The following SAMD5 variants were observed in gnomAD, a reference collection of about 807,000 sequenced individuals.
SAMD5 encodes sterile alpha motif domain-containing protein 5.
A neutral mutation model predicts 11.3 loss-of-function variants in SAMD5; 13 were observed. That is an observed-to-expected ratio of 1.15 (90% CI 0.75 to 1.83). The LOEUF (loss-of-function observed/expected upper bound fraction) is 1.83, where lower values mean the gene tolerates loss of function less well. Ranked by LOEUF, SAMD5 falls within the 40% of genes most tolerant of loss-of-function variation. The pLI, the probability that SAMD5 is intolerant of heterozygous loss-of-function variation, is 0.00. For missense variants in SAMD5, 255 were observed against 239.1 expected, an observed-to-expected ratio of 1.07 and a Z score of -0.44; for synonymous variants, 129 against 111.3, an observed-to-expected ratio of 1.16 and a Z score of -1.00.
At chr6:147,651,414 T>C (rs1790481638) in intron 1 of SAMD5, among the ~76,000 whole-genome samples, 1 of 152,202 alleles carries the variant, frequency 6.6e-6, no homozygotes, top group Non-Finnish European at 1.5e-5. Flanking sequence ...TGAATGTTTG[T>C]GTCCCTTCCA....
the SAMD5 span, among the ~76,000 whole-genome samples, chr6:147,787,745 G>C: frequency 6.6e-6 from 1 of 152,160 alleles, no homozygotes; most frequent in African/African-American, 2.4e-5. Context: ...TTCCCTGCTT[G>C]GTCAAGCATG....
At chr6:147,854,736 C>T in the SAMD5 span, among the ~76,000 whole-genome samples, 1 of 152,120 alleles carries the variant, frequency 6.6e-6, no homozygotes, top group East Asian at 1.9e-4. Flanking sequence ...CAACTAATTC[C>T]TTGGTACTAA....
Position 147,568,606 on chromosome 6 carries a change from T to G in SAMD5, c.*4150T>G. The G allele has an allele frequency of 1.0e-6, 1 of 985,362 alleles. No homozygotes were observed. The highest frequency in any genetic ancestry group is 1.7e-5 in the African/African-American group (1 of 57,372). The allele number at this position is 985,362 out of a possible 1,614,324, so 61.0% of individuals were successfully genotyped here. A position where few individuals can be genotyped will look rare whatever the true frequency, so the allele number is the denominator to read the frequency against. Reference sequence around the variant, plus strand: ...GAATTTTTTATATCAGCTGACATCTTGTGCTTACAGTAAAGCCATATAGAT... The same window carrying G: ...GAATTTTTTATATCAGCTGACATCTGGTGCTTACAGTAAAGCCATATAGAT... On this transcript the variant is annotated 3_prime_UTR_variant, in exon 2 of 2. Transcript: ENST00000367474.
At chr6:147,577,460 C>T (rs1323522971) in intron 1 of SAMD5, among the ~76,000 whole-genome samples, 1 of 152,002 alleles carries the variant, frequency 6.6e-6, no homozygotes, top group Non-Finnish European at 1.5e-5. Flanking sequence ...CCTGTCTGTC[C>T]TCCTTTCTTC....
chr6:147,816,304 A>ATATATAT, the SAMD5 span, among the ~76,000 whole-genome samples: 1 of 33,410 alleles, frequency 3.0e-5, no homozygotes, highest in Non-Finnish European at 8.1e-5. Context: ...AAAAAAAAAT[A>ATATATAT]TATATATATA....
intron 1 of SAMD5, among the ~76,000 whole-genome samples, chr6:147,706,261 AC>A (rs1334734835): frequency 6.6e-6 from 1 of 151,964 alleles, no homozygotes; most frequent in Non-Finnish European, 1.5e-5. Context: ...TTACTTTGTT[AC>A]CCAGGCTGGA....
intron 1 of SAMD5, among the ~76,000 whole-genome samples, chr6:147,620,643 C>A (rs1351285173): frequency 6.6e-6 from 1 of 152,136 alleles, no homozygotes; most frequent in Non-Finnish European, 1.5e-5. Flanking sequence ...GTGAAGGATA[C>A]TGTGTTCCCC....
At chr6:147,741,785 C>T (rs891274408), downstream of SAMD5, 5 of 152,182 alleles carry the variant, frequency 3.3e-5, no homozygotes, top group African/African-American at 1.2e-4. Flanking sequence ...CACAATTCTT[C>T]TTCGGGTGTG....
chr6:147,676,868 G>A (rs2128455992), intron 1 of SAMD5, among the ~76,000 whole-genome samples: 1 of 151,732 alleles, frequency 6.6e-6, no homozygotes, highest in South Asian at 2.1e-4. Flanking sequence ...GATCAGGGTA[G>A]AGGGGGCTGG....
At chr6:147,552,589 G>A (rs968792893) in intron 1 of SAMD5, among the ~76,000 whole-genome samples, 2 of 152,126 alleles carry the variant, frequency 1.3e-5, no homozygotes, top group Admixed American at 6.6e-5. Context: ...ACATTTGAAG[G>A]TGTTCTTACA....
At chr6:147,740,185 T>G (rs2079042064), downstream of SAMD5, among the ~76,000 whole-genome samples, 1 of 152,234 alleles carries the variant, frequency 6.6e-6, no homozygotes, top group Non-Finnish European at 1.5e-5. Flanking sequence ...TATTACATTA[T>G]GACTTGCTTC....
chr6:147,900,214 G>A, the SAMD5 span, among the ~76,000 whole-genome samples: 1 of 152,168 alleles, frequency 6.6e-6, no homozygotes, highest in Admixed American at 6.5e-5. Flanking sequence ...AGGACCCATG[G>A]AGGATCGGTC....
chr6:147,585,493 A>T (rs1042133356), intron 1 of SAMD5, among the ~76,000 whole-genome samples: 1 of 152,184 alleles, frequency 6.6e-6, no homozygotes, highest in Admixed American at 6.5e-5. Context: ...ATGGGCAAGA[A>T]CTTAGTAATG....
At chr6:147,599,612 C>T (rs1789585741) in intron 1 of SAMD5, among the ~76,000 whole-genome samples, 1 of 152,052 alleles carries the variant, frequency 6.6e-6, no homozygotes, top group Non-Finnish European at 1.5e-5. Context: ...TCCTTTGAGG[C>T]CTCAGCATTC....
chr6:147,606,360 T>G (rs1443855723), intron 1 of SAMD5, among the ~76,000 whole-genome samples: 2 of 152,058 alleles, frequency 1.3e-5, no homozygotes, highest in African/African-American at 4.8e-5. Flanking sequence ...TGGCAAATGT[T>G]GAGGCTTTAA....
the SAMD5 span, among the ~76,000 whole-genome samples, chr6:147,914,732 T>C: frequency 6.6e-6 from 1 of 152,162 alleles, no homozygotes; most frequent in African/African-American, 2.4e-5. Flanking sequence ...AGTAATTATA[T>C]AGTGGAGTAA....
chr6:147,513,403 T>C (rs965127883), intron 1 of SAMD5, among the ~76,000 whole-genome samples: 2 of 151,850 alleles, frequency 1.3e-5, no homozygotes, highest in Non-Finnish European at 2.9e-5. Context: ...GGGAGAGAGG[T>C]TGGAATGACA....
the SAMD5 span, among the ~76,000 whole-genome samples, chr6:147,884,653 CTT>C: frequency 5.2e-5 from 1 of 19,250 alleles, no homozygotes; most frequent in Non-Finnish European, 9.1e-5. Context: ...AACTTTCAAC[CTT>C]CTTATGTTTA....
At chr6:147,734,572 C>T (rs1176985496) in intron 1 of SAMD5, among the ~76,000 whole-genome samples, 2 of 151,258 alleles carry the variant, frequency 1.3e-5, no homozygotes, top group African/African-American at 2.4e-5. Flanking sequence ...AAAAATAATC[C>T]GGGCGTGTTG....
Sources: gnomAD v4.1 joint callset for allele counts (sites outside exome capture counted in the v4.1 genomes callset) on GRCh38, gnomAD v4.1.1 for gene constraint, MANE v1.5 for transcripts, NCBI Gene and HGNC (gene_info 2026-07-23, HGNC 2026-07-21) for gene names.